The following BBS7 variants were observed in gnomAD, a reference collection of about 807,000 sequenced individuals.
BBS7 encodes the protein BBSome complex member BBS7.
Under a neutral mutation model 90.3 loss-of-function variants are expected in BBS7, and 50 were observed. The observed-to-expected ratio is 0.55, with a 90% confidence interval of 0.44 to 0.70. BBS7 has a LOEUF of 0.70. Among genes scored for constraint, BBS7 ranks in the 30% least tolerant of loss-of-function variants. The probability of loss-of-function intolerance (pLI) is 0.00; values close to 1 mark genes in which losing one functional copy is unlikely to be tolerated. For synonymous variants in BBS7, 235 were observed against 287.4 expected, an observed-to-expected ratio of 0.82 and a Z score of 1.85; for missense variants, 729 against 838.9, an observed-to-expected ratio of 0.87 and a Z score of 1.62.
rs1328865668 is a variant in BBS7, at chr4:121,855,374, C to A, written c.601+115G>T. 33 of 995,846 alleles carry A rather than the reference C, an allele frequency of 3.3e-5. No individual in the cohort carries two copies. In the South Asian group the frequency reaches 3.9e-4, roughly 12 times the overall value. The allele number at this position is 995,846 out of a possible 1,614,324, so 61.7% of individuals were successfully genotyped here. A position where few individuals can be genotyped will look rare whatever the true frequency, so the allele number is the denominator to read the frequency against. On this transcript the variant is annotated intron_variant, in intron 6 of 18. Coordinates refer to ENST00000264499, the MANE Select transcript of BBS7 (RefSeq NM_176824.3). ...AATAACTCGTGCTGTTAGTTACTGG[C>A]AAGTTACCAGAAAGACAACTGTCTC...
chr4:121,854,869 T>A, intron 6 of BBS7, 49 bp from the exon 7 acceptor site: 1 of 1,515,118 alleles, frequency 6.6e-7, no homozygotes, highest in South Asian at 1.2e-5. Flanking sequence ...CAATTAGTAA[T>A]CTCTTTAAAA....
intron 15 of BBS7, among the ~76,000 whole-genome samples, chr4:121,832,362 AC>A (rs1157091348): frequency 1.3e-5 from 2 of 152,226 alleles, no homozygotes; most frequent in African/African-American, 2.4e-5. Flanking sequence ...CAACAAAAAA[AC>A]AAAAACAAAA....
At chr4:121,839,345 T>C (rs1725612439) in intron 13 of BBS7, among the ~76,000 whole-genome samples, 1 of 152,156 alleles carries the variant, frequency 6.6e-6, no homozygotes, top group African/African-American at 2.4e-5. Context: ...GGCATGTGGA[T>C]TGCTTCAGCT....
At chr4:121,831,977 CCAGA>C (rs1402589102) in intron 15 of BBS7, among the ~76,000 whole-genome samples, 1 of 148,012 alleles carries the variant, frequency 6.8e-6, no homozygotes, top group Non-Finnish European at 1.5e-5. Context: ...GAGCTCTCTC[CCAGA>C]CAAATAACAC....
At chr4:121,842,110 G>C (rs189702825) in intron 12 of BBS7, among the ~76,000 whole-genome samples, 1 of 151,794 alleles carries the variant, frequency 6.6e-6, no homozygotes, top group Non-Finnish European at 1.5e-5. Flanking sequence ...AAATTAGCCG[G>C]GTGTGGTGGC....
At chr4:121,826,047 C>T in intron 18 of BBS7, 54 bp from the exon 19 acceptor site, 1 of 1,400,254 alleles carries the variant, frequency 7.1e-7, no homozygotes, top group Admixed American at 1.8e-5. Context: ...TTTAATGACA[C>T]AGTATTTCAC....
chr4:121,854,899 AAATATCATTT>A, intron 6 of BBS7, 79 bp from the exon 7 acceptor site: 1 of 1,363,260 alleles, frequency 7.3e-7, no homozygotes. Flanking sequence ...TGTTATGTAA[AAATATCATTT>A]TAAAAAGTAC....
rs188154352 is a variant in BBS7 at position 121,833,133 on chromosome 4, A to C, written c.1676+98T>G. 16 of 1,173,814 alleles carry C rather than the reference A, an allele frequency of 1.4e-5. No individual in the cohort carries two copies. In the African/African-American group the frequency reaches 2.5e-4, roughly 18 times the overall value. The allele number at this position is 1,173,814 out of a possible 1,614,324, so 72.7% of individuals were successfully genotyped here. On this transcript the variant is annotated intron_variant, in intron 15 of 18. Transcript: ENST00000264499. ...ATTATCTTGAACAGTATAGATTTTC[A>C]ATCAGATTACTCACAAATAACTCCT...
In BBS7 at chr4:121,864,488, CTT is replaced by C. The variant is rs539142728; in HGVS notation, c.103-1211_103-1210del. On this transcript the variant is annotated intron_variant, in intron 2 of 18. Transcript: ENST00000264499. ...ATAATGACACTATACTCACTAAATT[CTT>C]TGTTTTGAAAAATAGTTATTTTTCA... Among the ~76,000 whole-genome samples the C allele has an allele frequency of 3.0e-4, 46 of 152,210 alleles. 2 individuals are homozygous for C. Among genetic ancestry groups the C allele is most frequent in the Non-Finnish European group, 3.2e-4 (22 of 68,004 alleles).
chr4:121,839,758 C>T (rs1725639051), intron 12 of BBS7, 62 bp from the exon 13 acceptor site: 4 of 1,370,628 alleles, frequency 2.9e-6, no homozygotes, highest in Non-Finnish European at 3.1e-6. Flanking sequence ...AAAAAAAAGA[C>T]ATCAATAATA....
intron 18 of BBS7, 79 bp from the exon 19 acceptor site, chr4:121,826,072 G>A: frequency 3.3e-6 from 4 of 1,205,476 alleles, no homozygotes; most frequent in Non-Finnish European, 4.7e-6. Context: ...GTAATTGCTT[G>A]ATAATCTATT....
rs905841399 is a variant in BBS7 at position 121,853,236 on chromosome 4, C to T, written c.719-150G>A. Reference sequence around the variant, plus strand: ...AATCAAGTGCTCTTCTCTTGTCCATCCACATTCATCTATTTCCAGGTCTTT... The same window carrying T: ...AATCAAGTGCTCTTCTCTTGTCCATTCACATTCATCTATTTCCAGGTCTTT... On this transcript the variant is annotated intron_variant, in intron 7 of 18. Coordinates refer to ENST00000264499, the MANE Select transcript of BBS7 (RefSeq NM_176824.3). 4.2e-6 allele frequency: 3 copies of T among 715,780 alleles called. No homozygotes were observed. In the Admixed American group the frequency reaches 7.6e-5, roughly 18 times the overall value. The allele number at this position is 715,780 out of a possible 1,614,324, so 44.3% of individuals were successfully genotyped here.
At chr4:121,859,395 T>A (rs2149085308) in intron 4 of BBS7, among the ~76,000 whole-genome samples, 1 of 152,204 alleles carries the variant, frequency 6.6e-6, no homozygotes, top group South Asian at 2.1e-4. Context: ...GCCTCGGGCT[T>A]CTCAATAAAA....
At position 121,833,325 on chromosome 4, in the gene BBS7, G is replaced by C. The variant is rs779858648; in HGVS notation, c.1582C>G (p.Leu528Val). The change falls in exon 15 of 19, where the codon CTG becomes GTG. Residue 528 changes from leucine (L) to valine (V), a missense_variant. By Grantham distance (32) the Leu-to-Val change is conservative (BLOSUM62 1). Coordinates refer to ENST00000264499, the MANE Select transcript of BBS7 (RefSeq NM_176824.3). ...GGAGGTTTTTCTGGAACTTCAGGCA[G>C]ACAAAAAACCACCCAGGAGTGAACT... ...AEVHSWVVFCLPEVPEKPPAG... is the reference protein window; with the variant it reads ...AEVHSWVVFCVPEVPEKPPAG... 2 of 1,613,968 alleles carry C rather than the reference G, an allele frequency of 1.2e-6. No homozygotes were observed. Among genetic ancestry groups the C allele is most frequent in the East Asian group, 2.2e-5 (1 of 44,848 alleles).
At chr4:121,849,259 G>A (rs970133963) in intron 8 of BBS7, among the ~76,000 whole-genome samples, 2 of 152,176 alleles carry the variant, frequency 1.3e-5, no homozygotes, top group African/African-American at 4.8e-5. Context: ...GGAGAGCAGT[G>A]GTGCAATCAC....
chr4:121,868,921 G>T (rs923007570), intron 1 of BBS7, among the ~76,000 whole-genome samples: 5 of 152,074 alleles, frequency 3.3e-5, no homozygotes, highest in African/African-American at 1.2e-4. Context: ...TAGTATAAAT[G>T]ACTTTATTCT....
At chr4:121,852,858 G>T in intron 8 of BBS7, 98 bp downstream of exon 8, 1 of 1,273,568 alleles carries the variant, frequency 7.9e-7, no homozygotes, top group Non-Finnish European at 1.1e-6. Context: ...CCAAACACAA[G>T]ATTTTAATAT....
In BBS7 at chr4:121,865,678, G is replaced by C. The variant is rs191377138; in HGVS notation, c.102+2303C>G. Among the ~76,000 whole-genome samples the C allele has an allele frequency of 2.4e-4, 36 of 152,266 alleles. 1 individual carries two copies. The highest frequency in any genetic ancestry group is 2.3e-3 in the South Asian group (11 of 4,822). ...TGAACAGTGCTGCAATAAAACATGA[G>C]GCTGCAGTTGTCTCTTTGATATGAT... On this transcript the variant is annotated intron_variant, in intron 2 of 18. Transcript: ENST00000264499.
chr4:121,831,032 T>C (rs1725151409), intron 15 of BBS7, among the ~76,000 whole-genome samples: 1 of 151,672 alleles, frequency 6.6e-6, no homozygotes. Flanking sequence ...ACGGTGAAAC[T>C]AGTCTCTACT....
Sources: gnomAD v4.1 joint callset for allele counts (sites outside exome capture counted in the v4.1 genomes callset) on GRCh38, gnomAD v4.1.1 for gene constraint, MANE v1.5 for transcripts, NCBI Gene and HGNC (gene_info 2026-07-23, HGNC 2026-07-21) for gene names.